TENM2: variants seen among roughly 807,000 people sequenced by gnomAD.
The protein encoded by TENM2 is teneurin-2.
Under a neutral mutation model 245.2 loss-of-function variants are expected in TENM2, and 52 were observed. That is an observed-to-expected ratio of 0.21 (90% CI 0.17 to 0.27). The LOEUF (loss-of-function observed/expected upper bound fraction) is 0.27, where lower values mean the gene tolerates loss of function less well. Among genes scored for constraint, TENM2 ranks in the 10% least tolerant of loss-of-function variants. TENM2 has a pLI of 1.00. For synonymous variants in TENM2, 1,363 were observed against 1,438.9 expected (o/e 0.95, Z 1.19); for missense variants, 3,046 against 3,666.8 (o/e 0.83, Z 4.37).
At chr5:167,101,835 TTATATATATATATTTATATATA>T in the TENM2 span, among the ~76,000 whole-genome samples, 5 of 50,860 alleles carry the variant, frequency 9.8e-5, 1 homozygote, top group East Asian at 5.6e-4. Flanking sequence ...CTCTTGACAT[TTATATATATATATTTATATATA>T]TATATATATA....
At chr5:167,068,514 C>A in the TENM2 span, among the ~76,000 whole-genome samples, 14 of 152,178 alleles carry the variant, frequency 9.2e-5, 1 homozygote, top group South Asian at 8.3e-4. Flanking sequence ...TAATGTATAA[C>A]CAAAGTAAAA....
chr5:167,680,430 G>A (rs1756628617), intron 2 of TENM2, among the ~76,000 whole-genome samples: 5 of 152,162 alleles, frequency 3.3e-5, no homozygotes. Flanking sequence ...ACAGGTCAGA[G>A]GGTGAAGGCT....
chr5:168,125,011 A>G, exon 11 of TENM2: 1 of 1,610,438 alleles, frequency 6.2e-7, no homozygotes, highest in Non-Finnish European at 8.5e-7. Context: ...GGGCCTCTGC[A>G]GCTGCGATCC....
intron 2 of TENM2, among the ~76,000 whole-genome samples, chr5:167,446,504 T>C (rs1765215132): frequency 1.3e-5 from 2 of 152,236 alleles, no homozygotes; most frequent in South Asian, 4.1e-4. Context: ...TAATTTCTTA[T>C]ACCATTCTAA....
intron 2 of TENM2, among the ~76,000 whole-genome samples, chr5:167,596,834 G>C (rs1428916115): frequency 6.6e-6 from 1 of 151,650 alleles, no homozygotes; most frequent in East Asian, 1.9e-4. Flanking sequence ...AAATGCAGAG[G>C]CATCAAGAGA....
chr5:167,259,964 C>T, the TENM2 span, among the ~76,000 whole-genome samples: 2 of 152,176 alleles, frequency 1.3e-5, no homozygotes, highest in Non-Finnish European at 2.9e-5. Context: ...TGTCTTGAAT[C>T]AGTTAAAATA....
chr5:168,229,530 A>T (rs1217785506), intron 25 of TENM2: 7 of 118,270 alleles, frequency 5.9e-5, no homozygotes, highest in African/African-American at 4.2e-4. Flanking sequence ...AAAAACTAAT[A>T]AATAAAAATA....
intron 3 of TENM2, among the ~76,000 whole-genome samples, chr5:167,950,037 G>C (rs1779956942): frequency 6.6e-6 from 1 of 152,046 alleles, no homozygotes; most frequent in African/African-American, 2.4e-5. Flanking sequence ...CTTTATAGGA[G>C]GGCTGGGTGA....
intron 11 of TENM2, among the ~76,000 whole-genome samples, chr5:168,126,084 C>T (rs4404700): frequency 0.55 from 83,413 of 152,072 alleles, 23,204 homozygotes; most frequent in East Asian, 0.63. Flanking sequence ...TGTCTGTCTG[C>T]CTCCTCCCCA....
intron 2 of TENM2, among the ~76,000 whole-genome samples, chr5:167,432,568 A>G (rs1343853191): frequency 6.6e-6 from 1 of 151,956 alleles, no homozygotes; most frequent in African/African-American, 2.4e-5. Context: ...CACATAAGTA[A>G]GCATATACCA....
chr5:167,941,150 C>T (rs1358826484), intron 3 of TENM2, among the ~76,000 whole-genome samples: 1 of 152,136 alleles, frequency 6.6e-6, no homozygotes, highest in Non-Finnish European at 1.5e-5. Flanking sequence ...AATTGTTCAA[C>T]AGTGGATTGC....
chr5:167,327,125 T>C (rs1473888223), intron 1 of TENM2, among the ~76,000 whole-genome samples: 1 of 152,172 alleles, frequency 6.6e-6, no homozygotes, highest in Non-Finnish European at 1.5e-5. Flanking sequence ...GCTGCACCCA[T>C]TAACTCGTCA....
At chr5:168,121,362 G>A (rs1274935858) in intron 10 of TENM2, among the ~76,000 whole-genome samples, 3 of 152,198 alleles carry the variant, frequency 2.0e-5, no homozygotes, top group Admixed American at 1.3e-4. Flanking sequence ...TAAGGACGTG[G>A]CCACAAGAGC....
the TENM2 span, among the ~76,000 whole-genome samples, chr5:167,063,094 A>T: frequency 6.6e-6 from 1 of 152,114 alleles, no homozygotes; most frequent in Non-Finnish European, 1.5e-5. Context: ...GTAAGTTTCT[A>T]GACAGTTTCT....
chr5:167,424,040 T>A (rs548100636), intron 2 of TENM2, among the ~76,000 whole-genome samples: 2 of 152,342 alleles, frequency 1.3e-5, no homozygotes, highest in South Asian at 4.1e-4. Context: ...CTATTTCTTT[T>A]AAAAATCTGC....
chr5:167,050,421 A>T, the TENM2 span, among the ~76,000 whole-genome samples: 1 of 152,144 alleles, frequency 6.6e-6, no homozygotes, highest in African/African-American at 2.4e-5. Flanking sequence ...CTGTGAAAAA[A>T]AATTTCTCCC....
chr5:168,083,729 C>T (rs759746031), intron 7 of TENM2, among the ~76,000 whole-genome samples: 13 of 151,934 alleles, frequency 8.6e-5, no homozygotes, highest in South Asian at 4.2e-4. Context: ...AAGTAATAGA[C>T]GTTTTTTAAA....
At chr5:167,489,688 T>G (rs1302251962) in intron 2 of TENM2, among the ~76,000 whole-genome samples, 5 of 152,212 alleles carry the variant, frequency 3.3e-5, no homozygotes, top group Non-Finnish European at 7.3e-5. Context: ...TTTATGCATT[T>G]TGTTCACTGA....
chr5:167,102,600 G>A, the TENM2 span, among the ~76,000 whole-genome samples: 726 of 152,250 alleles, frequency 4.8e-3, 5 homozygotes, highest in African/African-American at 0.016. Flanking sequence ...GCATGAGTTC[G>A]GAGACTGTGT....
Sources: allele counts gnomAD v4.1 joint callset (sites outside exome capture counted in the v4.1 genomes callset), GRCh38; gene constraint gnomAD v4.1.1; transcripts MANE v1.5; gene names NCBI Gene and HGNC (gene_info 2026-07-23, HGNC 2026-07-21).